The following SGMS2 variants were observed in gnomAD, a reference collection of about 807,000 sequenced individuals.
SGMS2 encodes the protein sphingomyelin synthase 2, also known as phosphatidylcholine:ceramide cholinephosphotransferase 2.
SGMS2 carries 21 observed loss-of-function variants against 43.8 expected under a neutral mutation model. The ratio of observed to expected loss-of-function variants is 0.48; its 90% CI spans 0.34 to 0.69. The LOEUF is 0.69. SGMS2 is among the 30% of genes least tolerant of loss of function. The pLI is 0.01. For synonymous variants in SGMS2, 167 were observed against 160.6 expected, an observed-to-expected ratio of 1.04 and a Z score of -0.30; for missense variants, 384 against 443.2, an observed-to-expected ratio of 0.87 and a Z score of 1.20.
chr4:107,887,128 T>G (rs552430220), intron 2 of SGMS2, among the ~76,000 whole-genome samples: 249 of 152,354 alleles, frequency 1.6e-3, no homozygotes, highest in African/African-American at 5.7e-3. Flanking sequence ...CCTGTTCTGC[T>G]TAATATTCAT....
chr4:107,841,960 A>AT (rs1726537047), intron 1 of SGMS2, among the ~76,000 whole-genome samples: 1 of 151,680 alleles, frequency 6.6e-6, no homozygotes, highest in Non-Finnish European at 1.5e-5. Flanking sequence ...CCTTTAAAAA[A>AT]ATTTTTTTTT....
intron 5 of SGMS2, among the ~76,000 whole-genome samples, chr4:107,906,694 G>A (rs1007656450): frequency 1.3e-5 from 2 of 152,180 alleles, no homozygotes; most frequent in African/African-American, 4.8e-5. Flanking sequence ...GGCCCAATGT[G>A]GTAGCATAAC....
intron 1 of SGMS2, among the ~76,000 whole-genome samples, chr4:107,833,963 A>G (rs1052985712): frequency 1.3e-5 from 2 of 152,236 alleles, no homozygotes; most frequent in Admixed American, 6.5e-5. Context: ...TGGAGGAGGC[A>G]AGGGAATGAG....
intron 1 of SGMS2, among the ~76,000 whole-genome samples, chr4:107,836,160 T>C (rs1443644107): frequency 6.6e-6 from 1 of 152,208 alleles, no homozygotes; most frequent in East Asian, 1.9e-4. Flanking sequence ...CTTACAGATA[T>C]CTCAGTTCAG....
chr4:107,834,871 C>T lies in SGMS2; in HGVS notation c.-327+9618C>T, dbSNP rs535391783. Among the ~76,000 whole-genome samples the T allele has an allele frequency of 9.7e-4, 148 of 152,166 alleles. 1 individual carries two copies. Among genetic ancestry groups the T allele is most frequent in the African/African-American group, 3.2e-3 (134 of 41,518 alleles). On this transcript the variant is annotated intron_variant, in intron 1 of 6. Coordinates refer to ENST00000690982, the MANE Select transcript of SGMS2 (RefSeq NM_001375905.1). ...GGGCAACATAGCCAGGCCTCCATCC[C>T]TATCCCGTGCAAAATTAGCCAGGTG... is the stretch of plus-strand genomic sequence containing the variant.
At chr4:107,895,000 T>C (rs1730547110) in intron 2 of SGMS2, among the ~76,000 whole-genome samples, 1 of 152,162 alleles carries the variant, frequency 6.6e-6, no homozygotes, top group Admixed American at 6.5e-5. Flanking sequence ...TAGCAACAAG[T>C]GATAGTGTCT....
chr4:107,901,818 G>A (rs762197029), intron 4 of SGMS2, among the ~76,000 whole-genome samples: 2 of 152,066 alleles, frequency 1.3e-5, no homozygotes, highest in Non-Finnish European at 2.9e-5. Context: ...TTGGCTGGGA[G>A]AGCAACATTC....
intron 5 of SGMS2, among the ~76,000 whole-genome samples, chr4:107,905,078 C>G (rs1394967139): frequency 6.6e-6 from 1 of 152,020 alleles, no homozygotes; most frequent in Non-Finnish European, 1.5e-5. Flanking sequence ...AACTGAAAAC[C>G]AACTGATATT....
intron 2 of SGMS2, among the ~76,000 whole-genome samples, chr4:107,875,503 C>T (rs992601429): frequency 1.3e-5 from 2 of 152,096 alleles, no homozygotes; most frequent in Non-Finnish European, 2.9e-5. Flanking sequence ...TGCTGCCCAC[C>T]TACCGAAGGG....
rs373960679 is a variant in SGMS2 at position 107,840,861 on chromosome 4, A to T, written c.-327+15608A>T. ...CTTTCAGGGTTAATCTCTAGAAAAG[A>T]GTCCTGTTGCACTCTTCAACATGTC... On this transcript the variant is annotated intron_variant, in intron 1 of 6. Coordinates refer to ENST00000690982, the MANE Select transcript of SGMS2 (RefSeq NM_001375905.1). Among the ~76,000 whole-genome samples, 12 of 152,310 alleles carry T rather than the reference A, an allele frequency of 7.9e-5. No individual in the cohort carries two copies. In the South Asian group the frequency reaches 1.9e-3, roughly 24 times the overall value.
In SGMS2 at chr4:107,872,789, T is replaced by C. The variant is rs1331640717; in HGVS notation, c.-245+14236T>C. Among the ~76,000 whole-genome samples the C allele has an allele frequency of 2.0e-5, 3 of 152,206 alleles. No homozygotes were observed. The East Asian group carries it at 5.8e-4, about 29-fold the overall frequency. ...AAAGTGAAGTAAATGTTCCATGTAG[T>C]ATCACCCTTCCAGTAACCATGTAAT... On this transcript the variant is annotated intron_variant, in intron 2 of 6. Coordinates refer to ENST00000690982, the MANE Select transcript of SGMS2 (RefSeq NM_001375905.1).
At chr4:107,854,714 T>G (rs941654398) in intron 1 of SGMS2, among the ~76,000 whole-genome samples, 1 of 152,160 alleles carries the variant, frequency 6.6e-6, no homozygotes, top group Non-Finnish European at 1.5e-5. Context: ...GGTGCAGTTG[T>G]GAGCCGATCA....
In SGMS2 at chr4:107,908,656, C is replaced by A; in HGVS notation, c.819C>A (p.Tyr273Ter). ...GCATTCTTGTAGCACACGAACACTA[C>A]ACTATCGATGTGATCATTGCTTATT... ...IICILVAHEH[Y>*]TIDVIIAYYI... The change falls in exon 6 of 7, where the codon TAC becomes TAA. Residue 273 changes from tyrosine to a stop codon, truncating the protein, a stop_gained. Transcript: ENST00000690982. LOFTEE classifies it high-confidence loss of function. The A allele has an allele frequency of 6.2e-7, 1 of 1,613,988 alleles. No homozygotes were observed. The highest frequency in any genetic ancestry group is 8.5e-7 in the Non-Finnish European group (1 of 1,179,866).
intron 1 of SGMS2, among the ~76,000 whole-genome samples, chr4:107,826,491 G>A (rs1274066821): frequency 1.3e-5 from 2 of 152,198 alleles, no homozygotes; most frequent in Admixed American, 6.5e-5. Flanking sequence ...ATGGCTGAAA[G>A]TGACAACCTG....
intron 2 of SGMS2, among the ~76,000 whole-genome samples, chr4:107,877,805 C>T (rs1237118797): frequency 6.6e-6 from 1 of 151,904 alleles, no homozygotes; most frequent in Non-Finnish European, 1.5e-5. Context: ...TTCAACACAG[C>T]TTATTCTCTG....
chr4:107,872,567 G>A (rs1728626268), intron 2 of SGMS2, among the ~76,000 whole-genome samples: 1 of 152,086 alleles, frequency 6.6e-6, no homozygotes, highest in South Asian at 2.1e-4. Flanking sequence ...CTACTCAGGA[G>A]GCTAAGGCAG....
upstream of SGMS2, chr4:107,824,885 G>A (rs898844640): frequency 1.3e-5 from 2 of 152,290 alleles, no homozygotes; most frequent in African/African-American, 4.8e-5. Context: ...GCAGGGAGCG[G>A]GCCGCGCGCG....
At chr4:107,874,918 A>G (rs1231978611) in intron 2 of SGMS2, among the ~76,000 whole-genome samples, 3 of 152,158 alleles carry the variant, frequency 2.0e-5, no homozygotes, top group Non-Finnish European at 4.4e-5. Context: ...AAGAACATAA[A>G]TCATCATTAT....
chr4:107,892,584 GCA>G (rs986487198), intron 2 of SGMS2, among the ~76,000 whole-genome samples: 2 of 152,114 alleles, frequency 1.3e-5, no homozygotes, highest in African/African-American at 4.8e-5. Context: ...GGTGGTCAGA[GCA>G]CAGTTTGGTT....
Sources: allele counts gnomAD v4.1 joint callset (sites outside exome capture counted in the v4.1 genomes callset), GRCh38; gene constraint gnomAD v4.1.1; transcripts MANE v1.5; gene names NCBI Gene and HGNC (gene_info 2026-07-23, HGNC 2026-07-21).